The following PEAK1 variants were observed in gnomAD, a reference collection of about 807,000 sequenced individuals.
PEAK1 encodes the protein inactive tyrosine-protein kinase PEAK1.
Under a neutral mutation model 124.7 loss-of-function variants are expected in PEAK1, and 54 were observed. The ratio of observed to expected loss-of-function variants is 0.43; its 90% CI spans 0.35 to 0.54. The LOEUF (loss-of-function observed/expected upper bound fraction) is 0.54. Among genes scored for constraint, PEAK1 ranks in the 20% least tolerant of loss-of-function variants. The pLI is 0.01. For missense variants in PEAK1, 2,046 were observed against 2,134.5 expected (o/e 0.96, Z 0.82); for synonymous variants, 719 against 760.0 (o/e 0.95, Z 0.89).
At chr15:77,236,362 A>C (rs1428624635) in intron 6 of PEAK1, among the ~76,000 whole-genome samples, 1 of 152,228 alleles carries the variant, frequency 6.6e-6, no homozygotes, top group African/African-American at 2.4e-5. Flanking sequence ...GAGACGTGGA[A>C]TCAAAGGAGA....
chr15:77,284,118 G>A (rs1383425773), intron 4 of PEAK1, 88 bp from the exon 5 acceptor site: 7 of 616,924 alleles, frequency 1.1e-5, no homozygotes, highest in Non-Finnish European at 1.4e-5. Context: ...ATCTGGTCAT[G>A]TAAACAATGA....
At chr15:77,160,035 A>C (rs548258441) in intron 7 of PEAK1, among the ~76,000 whole-genome samples, 1 of 152,224 alleles carries the variant, frequency 6.6e-6, no homozygotes, top group Admixed American at 6.5e-5. Context: ...TCACTTTTCT[A>C]GCAGTCAAGA....
intron 1 of PEAK1, among the ~76,000 whole-genome samples, chr15:77,374,633 G>A (rs2068873072): frequency 1.3e-5 from 2 of 151,942 alleles, no homozygotes; most frequent in Admixed American, 1.3e-4. Flanking sequence ...TTCCTTTCTG[G>A]TAAATACTTT....
At chr15:77,407,150 C>G (rs1306332852) in intron 1 of PEAK1, among the ~76,000 whole-genome samples, 1 of 152,116 alleles carries the variant, frequency 6.6e-6, no homozygotes, top group African/African-American at 2.4e-5. Context: ...CATCTAGGAC[C>G]TGAAACGATA....
rs530969034 is a variant in PEAK1 at position 77,336,375 on chromosome 15, T to C, written c.-603+28788A>G. The C allele has an allele frequency of 1.8e-4, 175 of 985,450 alleles. 2 individuals are homozygous for C. In the South Asian group the frequency reaches 6.9e-3, roughly 39 times the overall value. The allele number at this position is 985,450 out of a possible 1,614,324, so 61.0% of individuals were successfully genotyped here. On this transcript the variant is annotated intron_variant, in intron 2 of 9. Coordinates refer to ENST00000682557, the MANE Select transcript of PEAK1 (RefSeq NM_001385026.1). ...AAGCTCTCATTATAGAGACGTTTAC[T>C]AGGAACCAAGGCAGCTTTTCCACTC...
chr15:77,327,795 A>G (rs752391854), intron 2 of PEAK1, among the ~76,000 whole-genome samples: 6 of 152,136 alleles, frequency 3.9e-5, no homozygotes, highest in Admixed American at 3.9e-4. Context: ...GAAAAAATGC[A>G]ACGTTATTGC....
At chr15:77,334,323 C>A (rs62010561) in intron 2 of PEAK1, 100,169 of 985,124 alleles carry the variant, frequency 0.1, 5,406 homozygotes, top group Non-Finnish European at 0.11. Flanking sequence ...GAAATGACTG[C>A]CCAACCATGT....
chr15:77,332,789 GT>G (rs1213148853), intron 2 of PEAK1, among the ~76,000 whole-genome samples: 9 of 151,374 alleles, frequency 5.9e-5, no homozygotes, highest in Admixed American at 5.9e-4. Context: ...CCATTTCTTT[GT>G]TTACTAATGA....
chr15:77,309,339 T>C (rs1325016967), intron 2 of PEAK1, among the ~76,000 whole-genome samples: 2 of 152,048 alleles, frequency 1.3e-5, no homozygotes, highest in Non-Finnish European at 2.9e-5. Flanking sequence ...TTGAAGCAAG[T>C]AGTAAATCTG....
At chr15:77,123,573 T>C (rs968006423) in intron 9 of PEAK1, among the ~76,000 whole-genome samples, 1 of 152,088 alleles carries the variant, frequency 6.6e-6, no homozygotes, top group Non-Finnish European at 1.5e-5. Flanking sequence ...CTGTGTAGAA[T>C]GGTGAAGGCC....
chr15:77,230,125 T>C (rs186307776), intron 6 of PEAK1, among the ~76,000 whole-genome samples: 6 of 152,236 alleles, frequency 3.9e-5, no homozygotes, highest in African/African-American at 1.4e-4. Flanking sequence ...GAAAACATTA[T>C]AAATGCTATT....
intron 1 of PEAK1, chr15:77,404,601 C>T: frequency 8.8e-6 from 8 of 905,702 alleles, no homozygotes; most frequent in Non-Finnish European, 1.1e-5. Flanking sequence ...GTGGTTTGCA[C>T]TATTTCTATT....
intron 1 of PEAK1, chr15:77,417,431 A>G (rs1019899584): frequency 1.3e-6 from 1 of 790,634 alleles, no homozygotes; most frequent in African/African-American, 2.7e-5. Context: ...AAGGACTAGG[A>G]AGGAGAGTGG....
intron 6 of PEAK1, among the ~76,000 whole-genome samples, chr15:77,250,108 C>A (rs547840815): frequency 4.1e-4 from 58 of 142,018 alleles, no homozygotes; most frequent in Non-Finnish European, 6.6e-4. Context: ...GTTTAACCCA[C>A]AATTAGAGAT....
intron 6 of PEAK1, among the ~76,000 whole-genome samples, chr15:77,182,591 A>G (rs773876805): frequency 1.3e-5 from 2 of 151,960 alleles, no homozygotes; most frequent in Non-Finnish European, 2.9e-5. Flanking sequence ...ATCTCTAAAA[A>G]AAATATAAAA....
In PEAK1 at chr15:77,263,875, C is replaced by T. The variant is rs137906092; in HGVS notation, c.-274-11349G>A. Among the ~76,000 whole-genome samples, 678 of 152,212 alleles carry T rather than the reference C, an allele frequency of 4.5e-3. 2 individuals are homozygous for T. Among genetic ancestry groups the T allele is most frequent in the African/African-American group, 0.014 (580 of 41,532 alleles). ...AATCCTCAATAAAATACTAGCAAAC[C>T]GAATCCAGCAGCACATCCAAAAGCT... is the stretch of plus-strand genomic sequence containing the variant. On this transcript the variant is annotated intron_variant, in intron 5 of 9. Transcript: ENST00000682557.
chr15:77,350,781 C>A (rs946421994), intron 2 of PEAK1: 2 of 980,036 alleles, frequency 2.0e-6, no homozygotes, highest in South Asian at 9.4e-5. Flanking sequence ...TTCTGTATAA[C>A]CTATTTTGTT....
intron 1 of PEAK1, among the ~76,000 whole-genome samples, chr15:77,379,712 A>G (rs1399392627): frequency 6.6e-6 from 1 of 152,116 alleles, no homozygotes; most frequent in African/African-American, 2.4e-5. Context: ...GGACCTTCAT[A>G]AGAGATCTAA....
chr15:77,122,969 G>A (rs572555756), intron 9 of PEAK1, among the ~76,000 whole-genome samples: 7 of 152,120 alleles, frequency 4.6e-5, no homozygotes, highest in African/African-American at 1.7e-4. Flanking sequence ...TGAGATAAAC[G>A]GAGACTCTGG....
Sources: gnomAD v4.1 joint callset for allele counts (sites outside exome capture counted in the v4.1 genomes callset) on GRCh38, gnomAD v4.1.1 for gene constraint, MANE v1.5 for transcripts, NCBI Gene and HGNC (gene_info 2026-07-23, HGNC 2026-07-21) for gene names.